The following MLF2 variants were observed in gnomAD, a reference collection of about 807,000 sequenced individuals.
The protein encoded by MLF2 is myelodysplasia-myeloid leukemia factor 2.
Under a neutral mutation model 31.4 loss-of-function variants are expected in MLF2, and 12 were observed. The observed-to-expected ratio is 0.38, with a 90% confidence interval of 0.24 to 0.62. MLF2 has a LOEUF of 0.62. Ranked by LOEUF, MLF2 falls within the 20% of genes least tolerant of loss-of-function variation. The pLI is 0.58. For missense variants in MLF2, 272 were observed against 359.7 expected (o/e 0.76, Z 1.97); for synonymous variants, 109 against 118.8 (o/e 0.92, Z 0.54).
chr12:6,751,763 C>A, intron 3 of MLF2, 87 bp from the exon 4 acceptor site: 1 of 1,577,772 alleles, frequency 6.3e-7, no homozygotes, highest in Non-Finnish European at 8.7e-7. Flanking sequence ...CAATTTTTTT[C>A]CATCCTCTCA....
chr12:6,752,840 T>G lies in MLF2; in HGVS notation c.-29+99A>C, dbSNP rs1592485989. ...GCCAGGCGAGCAGGAGAGGTAGGCC[T>G]GAGCCTCTCCTCTCCCCACCCCGCA... On this transcript the variant is annotated intron_variant, in intron 1 of 8. Transcript: ENST00000203630. The surrounding 1 kb of genome is among the most constrained non-coding windows in gnomAD (Gnocchi z 4.6). 1 of 166,280 alleles carries G rather than the reference T, an allele frequency of 6.0e-6. No homozygotes were observed. The highest frequency in any genetic ancestry group is 2.4e-5 in the African/African-American group (1 of 41,902). 10.3% of individuals were successfully genotyped at this position (166,280 alleles called of 1,614,324 possible). A position where few individuals can be genotyped will look rare whatever the true frequency, so the allele number is the denominator to read the frequency against.
Position 6,752,039 on chromosome 12 carries a change from A to C in MLF2, c.66T>G (p.Ile22Met), listed in dbSNP as rs937523310. 3.1e-6 allele frequency: 5 copies of C among 1,614,132 alleles called. No homozygotes were observed. The highest frequency in any genetic ancestry group is 2.5e-6 in the Non-Finnish European group (3 of 1,180,006). Reference sequence around the variant, plus strand: ...ACATACGGCTCATATGCTGACGGTGAATAGCAAAGGGATCCCTGTGGAGTG... The same window carrying C: ...ACATACGGCTCATATGCTGACGGTGCATAGCAAAGGGATCCCTGTGGAGTG... The part of the protein sequence containing the change: ...DPMFLMDPFA[I>M]HRQHMSRMLS... The change falls in exon 3 of 9, where the codon ATT becomes ATG. Residue 22 changes from isoleucine to methionine, a missense_variant. Physicochemically the swap from Ile to Met is conservative, Grantham distance 10. Coordinates refer to ENST00000203630, the MANE Select transcript of MLF2 (RefSeq NM_001382226.1). This position sits in a 1 kb window ranked among gnomAD's most constrained non-coding sequence, Gnocchi z 4.6.
rs546517950 is a variant in MLF2, at chr12:6,750,145, C to A, written c.399+32G>T. ...TTCTGGCGGTGCCGCTCAATCCTAC[C>A]TTCTCTGGGACAGGAGGGCTCCCCA... is the stretch of plus-strand genomic sequence containing the variant. On this transcript the variant is annotated intron_variant, in intron 6 of 8. Coordinates refer to ENST00000203630, the MANE Select transcript of MLF2 (RefSeq NM_001382226.1). The surrounding 1 kb of genome is among the most constrained non-coding windows in gnomAD (Gnocchi z 5.3). 165 of 1,614,046 alleles carry A rather than the reference C, an allele frequency of 1.0e-4. No homozygotes were observed. In the South Asian group the frequency reaches 1.7e-3, roughly 17 times the overall value.
Position 6,752,269 on chromosome 12 carries a change from G to T in MLF2, c.50+16C>A, listed in dbSNP as rs76550498. The T allele has an allele frequency of 3.2e-6, 5 of 1,559,404 alleles. No homozygotes were observed. The Admixed American group carries it at 5.8e-5, about 18-fold the overall frequency. On this transcript the variant is annotated intron_variant, in intron 2 of 8. Coordinates refer to ENST00000203630, the MANE Select transcript of MLF2 (RefSeq NM_001382226.1). This position sits in a 1 kb window ranked among gnomAD's most constrained non-coding sequence, Gnocchi z 4.6. ...AGACCTGGAGTGGGAGAGCTTGAGGGGGAGGGAATACTCACATCAGGAACA... is the reference window on the plus strand; with the variant it reads ...AGACCTGGAGTGGGAGAGCTTGAGGTGGAGGGAATACTCACATCAGGAACA...
In MLF2 at chr12:6,752,490, C is replaced by G. The variant is rs746733795; in HGVS notation, c.-28-128G>C. 28 of 719,184 alleles carry G rather than the reference C, an allele frequency of 3.9e-5. No homozygotes were observed. The highest frequency in any genetic ancestry group is 6.4e-5 in the Non-Finnish European group (28 of 436,732). 44.6% of individuals were successfully genotyped at this position (719,184 alleles called of 1,614,324 possible). A position where few individuals can be genotyped will look rare whatever the true frequency, so the allele number is the denominator to read the frequency against. ...TGACCCCCTAAACTCCAGGGAGACC[C>G]TACTCCAGGTGTTCCACACAACCCT... On this transcript the variant is annotated intron_variant, in intron 1 of 8. Coordinates refer to ENST00000203630, the MANE Select transcript of MLF2 (RefSeq NM_001382226.1). This position sits in a 1 kb window ranked among gnomAD's most constrained non-coding sequence, Gnocchi z 4.6.
At position 6,748,572 on chromosome 12, in the gene MLF2, A is replaced by C; in HGVS notation, c.*26-25T>G. ...CCTGGAGGGGGAAAGAGAGAGGAGCACAAGTCAAAAGGAAGAAAAAACTTA... is the reference window on the plus strand; with the variant it reads ...CCTGGAGGGGGAAAGAGAGAGGAGCCCAAGTCAAAAGGAAGAAAAAACTTA... On this transcript the variant is annotated intron_variant, in intron 8 of 8. Coordinates refer to ENST00000203630, the MANE Select transcript of MLF2 (RefSeq NM_001382226.1). The surrounding 1 kb of genome is among the most constrained non-coding windows in gnomAD (Gnocchi z 4.6). 3 of 449,610 alleles carry C rather than the reference A, an allele frequency of 6.7e-6. No homozygotes were observed. The highest frequency in any genetic ancestry group is 7.8e-6 in the Non-Finnish European group (2 of 256,752). The allele number at this position is 449,610 out of a possible 1,614,324, so 27.9% of individuals were successfully genotyped here. A position where few individuals can be genotyped will look rare whatever the true frequency, so the allele number is the denominator to read the frequency against.
Position 6,750,434 on chromosome 12 carries a change from G to T in MLF2, c.271-129C>A. ...AATGCAAGAACTGAAAAAACATCAGGCCTCATCATTACCCTCCCAAATTCC... is the reference window on the plus strand; with the variant it reads ...AATGCAAGAACTGAAAAAACATCAGTCCTCATCATTACCCTCCCAAATTCC... On this transcript the variant is annotated intron_variant, in intron 5 of 8. Coordinates refer to ENST00000203630, the MANE Select transcript of MLF2 (RefSeq NM_001382226.1). This position sits in a 1 kb window ranked among gnomAD's most constrained non-coding sequence, Gnocchi z 5.3. 7.8e-7 allele frequency: 1 copy of T among 1,288,992 alleles called. No individual in the cohort carries two copies. The highest frequency in any genetic ancestry group is 1.1e-6 in the Non-Finnish European group (1 of 939,236). The allele number at this position is 1,288,992 out of a possible 1,614,324, so 79.8% of individuals were successfully genotyped here.
In MLF2 at chr12:6,750,769, G is replaced by A. The variant is rs775347945; in HGVS notation, c.217-3C>T. On this transcript the variant is annotated splice_polypyrimidine_tract_variant and splice_region_variant and intron_variant, in intron 4 of 8. Transcript: ENST00000203630. This position sits in a 1 kb window ranked among gnomAD's most constrained non-coding sequence, Gnocchi z 5.3. ...AACATGTCCATGAAACCACCCGACT[G>A]GAGGAAAGAGATGGAAAACAGAGTC... is the stretch of plus-strand genomic sequence containing the variant. 29 of 1,613,802 alleles carry A rather than the reference G, an allele frequency of 1.8e-5. No individual in the cohort carries two copies. The highest frequency in any genetic ancestry group is 2.1e-5 in the Non-Finnish European group (25 of 1,179,876).
In MLF2 at chr12:6,750,816, A is replaced by G. The variant is rs1323513861; in HGVS notation, c.217-50T>C. 2.5e-6 allele frequency: 4 copies of G among 1,569,872 alleles called. No individual in the cohort carries two copies. Among genetic ancestry groups the G allele is most frequent in the African/African-American group, 2.7e-5 (2 of 73,996 alleles). ...AGTCAGGAAAGCAAAGTCAGTGTTC[A>G]GAGTTGATCCTGTTTAGGAACCCAC... On this transcript the variant is annotated intron_variant, in intron 4 of 8. Coordinates refer to ENST00000203630, the MANE Select transcript of MLF2 (RefSeq NM_001382226.1). This position sits in a 1 kb window ranked among gnomAD's most constrained non-coding sequence, Gnocchi z 5.3.
At position 6,750,427 on chromosome 12, in the gene MLF2, A is replaced by G. The variant is rs557431083; in HGVS notation, c.271-122T>C. On this transcript the variant is annotated intron_variant, in intron 5 of 8. Coordinates refer to ENST00000203630, the MANE Select transcript of MLF2 (RefSeq NM_001382226.1). This position sits in a 1 kb window ranked among gnomAD's most constrained non-coding sequence, Gnocchi z 5.3. ...CTCACAAAATGCAAGAACTGAAAAA[A>G]CATCAGGCCTCATCATTACCCTCCC... The G allele has an allele frequency of 7.4e-7, 1 of 1,343,588 alleles. No individual in the cohort carries two copies. The highest frequency in any genetic ancestry group is 2.3e-5 in the East Asian group (1 of 43,118). 83.2% of individuals were successfully genotyped at this position (1,343,588 alleles called of 1,614,324 possible).
Position 6,751,919 on chromosome 12 carries a change from C to A in MLF2, c.180+6G>T. 6.2e-7 allele frequency: 1 copy of A among 1,614,096 alleles called. No homozygotes were observed. The highest frequency in any genetic ancestry group is 8.5e-7 in the Non-Finnish European group (1 of 1,179,968). Reference sequence around the variant, plus strand: ...TTGGGTCTCAGGTGTGTCTCAGCATCATTACCTGCTGCATCCGGCGGCTGG... The same window carrying A: ...TTGGGTCTCAGGTGTGTCTCAGCATAATTACCTGCTGCATCCGGCGGCTGG... On this transcript the variant is annotated splice_donor_region_variant and intron_variant, in intron 3 of 8. Transcript: ENST00000203630.
intron 4 of MLF2, 113 bp downstream of exon 4, chr12:6,751,528 G>A (rs1941614687): frequency 8.0e-7 from 1 of 1,243,924 alleles, no homozygotes; most frequent in East Asian, 2.3e-5. Context: ...GCCATAAAAA[G>A]AGAAGATTCT....
Position 6,752,429 on chromosome 12 carries a change from G to T in MLF2, c.-28-67C>A. The T allele has an allele frequency of 1.6e-6, 2 of 1,278,242 alleles. No individual in the cohort carries two copies. The highest frequency in any genetic ancestry group is 2.2e-6 in the Non-Finnish European group (2 of 905,960). 79.2% of individuals were successfully genotyped at this position (1,278,242 alleles called of 1,614,324 possible). On this transcript the variant is annotated intron_variant, in intron 1 of 8. Transcript: ENST00000203630. The surrounding 1 kb of genome is among the most constrained non-coding windows in gnomAD (Gnocchi z 4.6). ...GTTTTGCACACCCACTCAGTGTGGG[G>T]ACTCTCAGAGCACTGTCCTTTCCAA...
rs1207361921 is a variant in MLF2, at chr12:6,748,729, G to A, written c.*25+41C>T. The stretch of plus-strand genomic sequence containing the variant: ...TGAGCCTGCCTTGCAGCCGAGGACC[G>A]TCCGCAGGTGCACCCCACCCTCCTT... On this transcript the variant is annotated intron_variant, in intron 8 of 8. Coordinates refer to ENST00000203630, the MANE Select transcript of MLF2 (RefSeq NM_001382226.1). The surrounding 1 kb of genome is among the most constrained non-coding windows in gnomAD (Gnocchi z 4.6). The A allele has an allele frequency of 2.5e-5, 35 of 1,420,454 alleles. No individual in the cohort carries two copies. The highest frequency in any genetic ancestry group is 1.1e-4 in the East Asian group (4 of 36,966). The allele number at this position is 1,420,454 out of a possible 1,614,324, so 88.0% of individuals were successfully genotyped here.
At position 6,751,500 on chromosome 12, in the gene MLF2, G is replaced by A. The variant is rs533435647; in HGVS notation, c.216+141C>T. ...CCACAGGGCTCCTAGTACCCAACAGGCTCAGAGCTTTGTGAATGCCATAAA... is the reference window on the plus strand; with the variant it reads ...CCACAGGGCTCCTAGTACCCAACAGACTCAGAGCTTTGTGAATGCCATAAA... On this transcript the variant is annotated intron_variant, in intron 4 of 8. Coordinates refer to ENST00000203630, the MANE Select transcript of MLF2 (RefSeq NM_001382226.1). 4 of 1,003,800 alleles carry A rather than the reference G, an allele frequency of 4.0e-6. No individual in the cohort carries two copies. In the East Asian group the frequency reaches 7.2e-5, roughly 18 times the overall value. 62.2% of individuals were successfully genotyped at this position (1,003,800 alleles called of 1,614,324 possible). A position where few individuals can be genotyped will look rare whatever the true frequency, so the allele number is the denominator to read the frequency against.
chr12:6,750,334 G>A lies in MLF2; in HGVS notation c.271-29C>T, dbSNP rs762959138. On this transcript the variant is annotated intron_variant, in intron 5 of 8. Transcript: ENST00000203630. This position sits in a 1 kb window ranked among gnomAD's most constrained non-coding sequence, Gnocchi z 5.3. ...AGGACAGGGTAGGTAGGGGAGGGCT[G>A]AATGGGGAGGCATCACCCCTGGTGA... The A allele has an allele frequency of 1.2e-6, 2 of 1,609,542 alleles. No individual in the cohort carries two copies. Among genetic ancestry groups the A allele is most frequent in the South Asian group, 2.2e-5 (2 of 90,564 alleles).
chr12:6,750,852 G>T lies in MLF2; in HGVS notation c.217-86C>A. The T allele has an allele frequency of 2.6e-6, 3 of 1,156,696 alleles. No homozygotes were observed. The highest frequency in any genetic ancestry group is 3.9e-6 in the Non-Finnish European group (3 of 772,356). 71.7% of individuals were successfully genotyped at this position (1,156,696 alleles called of 1,614,324 possible). On this transcript the variant is annotated intron_variant, in intron 4 of 8. Coordinates refer to ENST00000203630, the MANE Select transcript of MLF2 (RefSeq NM_001382226.1). The surrounding 1 kb of genome is among the most constrained non-coding windows in gnomAD (Gnocchi z 5.3). ...TGTTTAGGAACCCACAACCCACATG[G>T]CTGCACATTTCCTTTCTCTTCTTCC...
At position 6,752,438 on chromosome 12, in the gene MLF2, A is replaced by G; in HGVS notation, c.-28-76T>C. 8.3e-7 allele frequency: 1 copy of G among 1,210,342 alleles called. No homozygotes were observed. The highest frequency in any genetic ancestry group is 1.2e-6 in the Non-Finnish European group (1 of 852,062). The allele number at this position is 1,210,342 out of a possible 1,614,324, so 75.0% of individuals were successfully genotyped here. A position where few individuals can be genotyped will look rare whatever the true frequency, so the allele number is the denominator to read the frequency against. ...ACCCACTCAGTGTGGGGACTCTCAG[A>G]GCACTGTCCTTTCCAAATCCTGTAA... On this transcript the variant is annotated intron_variant, in intron 1 of 8. Transcript: ENST00000203630. This position sits in a 1 kb window ranked among gnomAD's most constrained non-coding sequence, Gnocchi z 4.6.
chr12:6,749,056 G>T lies in MLF2; in HGVS notation c.560-74C>A. ...GAGGCCGATGTGCGAGCGAGCCACAGCTTTTCGGGCCAAAGCGGCGAAGGC... is the reference window on the plus strand; with the variant it reads ...GAGGCCGATGTGCGAGCGAGCCACATCTTTTCGGGCCAAAGCGGCGAAGGC... On this transcript the variant is annotated intron_variant, in intron 7 of 8. Transcript: ENST00000203630. This position sits in a 1 kb window ranked among gnomAD's most constrained non-coding sequence, Gnocchi z 5.3. 1 of 1,432,530 alleles carries T rather than the reference G, an allele frequency of 7.0e-7. No homozygotes were observed. Among genetic ancestry groups the T allele is most frequent in the Non-Finnish European group, 9.2e-7 (1 of 1,085,144 alleles). The allele number at this position is 1,432,530 out of a possible 1,614,324, so 88.7% of individuals were successfully genotyped here. A position where few individuals can be genotyped will look rare whatever the true frequency, so the allele number is the denominator to read the frequency against.
Sources: gnomAD v4.1 joint callset for allele counts on GRCh38, gnomAD v4.1.1 for gene constraint, Gnocchi (gnomAD v3.1) non-coding constraint, MANE v1.5 for transcripts, NCBI Gene and HGNC (gene_info 2026-07-23, HGNC 2026-07-21) for gene names.